The following USH2A variants were observed in gnomAD, a reference collection of about 807,000 sequenced individuals.
USH2A encodes usherin.
Under a neutral mutation model 538.9 loss-of-function variants are expected in USH2A, and 443 were observed. That is an observed-to-expected ratio of 0.82 (90% CI 0.76 to 0.89). USH2A has a LOEUF of 0.89. USH2A is among the 40% of genes least tolerant of loss of function. The pLI is 0.00. For synonymous variants in USH2A, 2,413 were observed against 2,273.5 expected, an observed-to-expected ratio of 1.06 and a Z score of -1.75; for missense variants, 6,633 against 6,324.8, an observed-to-expected ratio of 1.05 and a Z score of -1.65.
chr1:216,278,937 C>T (rs1270446858), intron 11 of USH2A, among the ~76,000 whole-genome samples: 4 of 152,116 alleles, frequency 2.6e-5, no homozygotes, highest in Non-Finnish European at 4.4e-5. Flanking sequence ...TATCACTTCA[C>T]CAGAACAATC....
intron 21 of USH2A, among the ~76,000 whole-genome samples, chr1:216,147,773 G>A (rs1466879099): frequency 2.0e-5 from 3 of 150,744 alleles, no homozygotes; most frequent in Non-Finnish European, 3.0e-5. Flanking sequence ...CGCCTGAACC[G>A]CAGCGGCCAG....
chr1:215,962,664 C>T (rs1057145072), intron 37 of USH2A, among the ~76,000 whole-genome samples: 7 of 151,976 alleles, frequency 4.6e-5, no homozygotes, highest in Non-Finnish European at 2.9e-5. Flanking sequence ...TGTATACACA[C>T]ACACACACAC....
intron 32 of USH2A, among the ~76,000 whole-genome samples, chr1:216,043,982 T>C (rs2030408137): frequency 6.6e-6 from 1 of 151,118 alleles, no homozygotes. Flanking sequence ...TGCTATCTTC[T>C]TGTTTTTATT....
chr1:216,029,329 A>G (rs902362025), intron 32 of USH2A, among the ~76,000 whole-genome samples: 4 of 152,092 alleles, frequency 2.6e-5, no homozygotes, highest in African/African-American at 9.6e-5. Context: ...CAAGTGCTTT[A>G]CAATATACAC....
chr1:216,245,386 C>A (rs2036016631), intron 13 of USH2A, among the ~76,000 whole-genome samples: 1 of 150,602 alleles, frequency 6.6e-6, no homozygotes, highest in Non-Finnish European at 1.5e-5. Flanking sequence ...TCTGTTGTGG[C>A]TGGTGGTAGA....
At chr1:216,227,966 C>T (rs777160905) in intron 14 of USH2A, among the ~76,000 whole-genome samples, 5 of 152,038 alleles carry the variant, frequency 3.3e-5, no homozygotes, top group Non-Finnish European at 7.4e-5. Flanking sequence ...CAATCAGGTA[C>T]TCAAAAGGGT....
chr1:215,643,627 G>A (rs1198029968), intron 67 of USH2A, among the ~76,000 whole-genome samples: 5 of 151,504 alleles, frequency 3.3e-5, no homozygotes, highest in Admixed American at 1.3e-4. Context: ...CAGGACTCAA[G>A]CAATCCTCCT....
At chr1:215,895,622 A>G (rs967329308) in intron 40 of USH2A, among the ~76,000 whole-genome samples, 1 of 152,314 alleles carries the variant, frequency 6.6e-6, no homozygotes, top group South Asian at 2.1e-4. Context: ...GGGAAAAGTA[A>G]AGCAGGACCC....
chr1:215,677,542 T>C (rs1392747344), intron 62 of USH2A, among the ~76,000 whole-genome samples: 1 of 152,170 alleles, frequency 6.6e-6, no homozygotes, highest in Non-Finnish European at 1.5e-5. Flanking sequence ...CTGCATACTC[T>C]CCTTGTCGAG....
chr1:216,212,683 TTGTGTG>T (rs10654206), intron 15 of USH2A, among the ~76,000 whole-genome samples: 2 of 147,462 alleles, frequency 1.4e-5, no homozygotes, highest in African/African-American at 5.0e-5. Context: ...GTGTGTGTGT[TTGTGTG>T]TGTGTGTGTG....
At chr1:216,203,869 G>T (rs2035052588) in intron 16 of USH2A, among the ~76,000 whole-genome samples, 1 of 152,066 alleles carries the variant, frequency 6.6e-6, no homozygotes, top group Admixed American at 6.5e-5. Flanking sequence ...CCTGTGGAAG[G>T]ATTTCTCTAA....
At position 216,073,878 on chromosome 1, in the gene USH2A, G is replaced by A. The variant is rs17026031; in HGVS notation, c.5573-578C>T. 8.9e-3 allele frequency among the ~76,000 whole-genome samples: 1,360 copies of A among 152,282 alleles called. 89 individuals are homozygous for A. In the East Asian group the frequency reaches 0.17, roughly 19 times the overall value. On this transcript the variant is annotated intron_variant, in intron 27 of 71. Coordinates refer to ENST00000307340, the MANE Select transcript of USH2A (RefSeq NM_206933.4). ...ACTTCAGAGGTATAGAATTTAGCCC[G>A]AGTTACATCAGCCTACAGAAGAGCT... is the stretch of plus-strand genomic sequence containing the variant.
intron 21 of USH2A, among the ~76,000 whole-genome samples, chr1:216,146,113 G>C (rs149279547): frequency 0.2 from 31,080 of 152,062 alleles, 3,247 homozygotes; most frequent in Admixed American, 0.25. Flanking sequence ...CTGTCCTCCT[G>C]CTCTTTGCTC....
chr1:216,103,248 G>A (rs144486945), intron 21 of USH2A, among the ~76,000 whole-genome samples: 1,951 of 152,308 alleles, frequency 0.013, 20 homozygotes, highest in Non-Finnish European at 0.019. Flanking sequence ...GGTACACAAG[G>A]CTATCCGGGT....
At chr1:216,169,110 T>C (rs2102635323) in intron 21 of USH2A, among the ~76,000 whole-genome samples, 1 of 152,250 alleles carries the variant, frequency 6.6e-6, no homozygotes, top group South Asian at 2.1e-4. Flanking sequence ...ATTGAGTGGT[T>C]GCGGAAAACC....
intron 30 of USH2A, among the ~76,000 whole-genome samples, chr1:216,068,824 T>G (rs567157181): frequency 6.6e-6 from 1 of 152,318 alleles, no homozygotes; most frequent in East Asian, 1.9e-4. Flanking sequence ...ATGCATTCAT[T>G]CATCCAACCC....
At position 215,782,002 on chromosome 1, in the gene USH2A, C is replaced by T. The variant is rs756595256; in HGVS notation, c.10740+40G>A. On this transcript the variant is annotated intron_variant, in intron 54 of 71. Coordinates refer to ENST00000307340, the MANE Select transcript of USH2A (RefSeq NM_206933.4). ...CCTGGATGTTCAGATAATCTTCACA[C>T]TGAACCCCTTTTCCCAGAGTTTAGG... 7 of 1,613,212 alleles carry T rather than the reference C, an allele frequency of 4.3e-6. No homozygotes were observed. In the South Asian group the frequency reaches 7.7e-5, roughly 18 times the overall value.
rs1196797514 is a variant in USH2A, at chr1:215,719,465, G to C, written c.12066+8565C>G. On this transcript the variant is annotated intron_variant, in intron 61 of 71. Coordinates refer to ENST00000307340, the MANE Select transcript of USH2A (RefSeq NM_206933.4). ...AAAATTACAGGGAAATTAACAATGT[G>C]GTATCAGGAAACATGTAAATTTGCA... Among the ~76,000 whole-genome samples the C allele has an allele frequency of 3.3e-5, 5 of 151,808 alleles. No homozygotes were observed. In the South Asian group the frequency reaches 1.0e-3, roughly 32 times the overall value.
At chr1:215,684,420 G>A (rs960194814) in intron 61 of USH2A, among the ~76,000 whole-genome samples, 2 of 152,188 alleles carry the variant, frequency 1.3e-5, no homozygotes, top group African/African-American at 2.4e-5. Context: ...TCAATAAAAG[G>A]CTGTGTGGGG....
Sources: gnomAD v4.1 joint callset for allele counts (sites outside exome capture counted in the v4.1 genomes callset) on GRCh38, gnomAD v4.1.1 for gene constraint, MANE v1.5 for transcripts, NCBI Gene and HGNC (gene_info 2026-07-23, HGNC 2026-07-21) for gene names.